The following PIKFYVE variants were observed in gnomAD, a reference collection of about 807,000 sequenced individuals.
The protein encoded by PIKFYVE is 1-phosphatidylinositol 3-phosphate 5-kinase.
A neutral mutation model predicts 257.9 loss-of-function variants in PIKFYVE; 122 were observed. That is an observed-to-expected ratio of 0.47 (90% CI 0.41 to 0.55). PIKFYVE has a LOEUF of 0.55. Among genes scored for constraint, PIKFYVE ranks in the 20% least tolerant of loss-of-function variants. The pLI is 0.00. For synonymous variants in PIKFYVE, 892 were observed against 868.9 expected (o/e 1.03, Z -0.47); for missense variants, 2,160 against 2,536.6 (o/e 0.85, Z 3.19).
Position 208,333,421 on chromosome 2 carries a change from A to T in PIKFYVE, c.4070A>T (p.Glu1357Val). ...CAGTATACTCGCAGAGCCAACGCTG[A>T]GCCCTGTGGTCACTCCATCCATCAT... Reference protein sequence around the residue: ...GHQYTRRANAEPCGHSIHHDY... With the variant: ...GHQYTRRANAVPCGHSIHHDY... Residue 1357 changes from glutamate to valine, a missense_variant, in exon 24 of 42, where the codon GAG (glutamate) becomes GTG (valine). By Grantham distance (121) the Glu-to-Val change is moderately radical. Transcript: ENST00000264380. 1.9e-6 allele frequency: 3 copies of T among 1,614,118 alleles called. No individual in the cohort carries two copies. The highest frequency in any genetic ancestry group is 2.5e-6 in the Non-Finnish European group (3 of 1,180,010).
intron 2 of PIKFYVE, among the ~76,000 whole-genome samples, chr2:208,271,960 C>T (rs1282860112): frequency 2.0e-5 from 3 of 152,154 alleles, no homozygotes; most frequent in African/African-American, 4.8e-5. Flanking sequence ...TTAGGCCAGG[C>T]GTGATGCCTC....
chr2:208,285,587 T>C (rs1294316686), intron 5 of PIKFYVE, 139 bp from the exon 6 acceptor site: 1 of 708,968 alleles, frequency 1.4e-6, no homozygotes, highest in Non-Finnish European at 2.4e-6. Flanking sequence ...ATGTCTTTTT[T>C]TGAGAGTCTG....
chr2:208,355,454 G>A lies in PIKFYVE; in HGVS notation c.*149G>A. On this transcript the variant is annotated 3_prime_UTR_variant, in exon 42 of 42. Transcript: ENST00000264380. Reference sequence around the variant, plus strand: ...TGTGGCTGTTTAGACTGTCCGTAATGGAATGGTAAAACTCCATGAATTTGC... The same window carrying A: ...TGTGGCTGTTTAGACTGTCCGTAATAGAATGGTAAAACTCCATGAATTTGC... The A allele has an allele frequency of 1.5e-6, 1 of 647,812 alleles. No individual in the cohort carries two copies. The highest frequency in any genetic ancestry group is 2.8e-5 in the Admixed American group (1 of 36,238). The allele number at this position is 647,812 out of a possible 1,614,324, so 40.1% of individuals were successfully genotyped here.
chr2:208,268,401 A>G (rs1688948651), intron 1 of PIKFYVE, among the ~76,000 whole-genome samples: 1 of 145,560 alleles, frequency 6.9e-6, no homozygotes, highest in Non-Finnish European at 1.5e-5. Flanking sequence ...CGGCCATCAC[A>G]TTATCGTTTC....
chr2:208,315,178 A>T lies in PIKFYVE; in HGVS notation c.1827-15A>T, dbSNP rs751385555. The stretch of plus-strand genomic sequence containing the variant: ...TATTAACTATGCAAACTTCTTTCTT[A>T]TAATATTTTTGTAGTTCAGCTAATC... On this transcript the variant is annotated splice_polypyrimidine_tract_variant and intron_variant, in intron 14 of 41. Transcript: ENST00000264380. 4 of 1,607,410 alleles carry T rather than the reference A, an allele frequency of 2.5e-6. No individual in the cohort carries two copies. The Admixed American group carries it at 5.0e-5, about 20-fold the overall frequency.
chr2:208,343,797 A>G (rs965249987), intron 32 of PIKFYVE, among the ~76,000 whole-genome samples: 1 of 151,790 alleles, frequency 6.6e-6, no homozygotes, highest in Non-Finnish European at 1.5e-5. Flanking sequence ...CCACTGTAAA[A>G]ATATATAGTA....
chr2:208,352,047 A>G (rs923638250), intron 38 of PIKFYVE, among the ~76,000 whole-genome samples: 1 of 152,118 alleles, frequency 6.6e-6, no homozygotes, highest in South Asian at 2.1e-4. Context: ...CTTAAACTAT[A>G]TATTTCCTGC....
intron 25 of PIKFYVE, 65 bp from the exon 26 acceptor site, chr2:208,335,728 A>AT: frequency 8.0e-7 from 1 of 1,245,014 alleles, no homozygotes; most frequent in Non-Finnish European, 1.2e-6. Flanking sequence ...TTTTTTTTCT[A>AT]TTTATGTGAG....
chr2:208,267,652 G>A (rs75791925), intron 1 of PIKFYVE, among the ~76,000 whole-genome samples: 4 of 151,886 alleles, frequency 2.6e-5, no homozygotes, highest in Non-Finnish European at 4.4e-5. Flanking sequence ...GATTGCAGGC[G>A]CGCGACACCA....
chr2:208,304,073 T>C (rs1694042962), intron 10 of PIKFYVE, 98 bp from the exon 11 acceptor site: 1 of 1,390,064 alleles, frequency 7.2e-7, no homozygotes, highest in East Asian at 2.3e-5. Context: ...ATTGTTAGGT[T>C]CATAGAAATA....
chr2:208,277,005 T>A (rs958609197), intron 4 of PIKFYVE, among the ~76,000 whole-genome samples, 175 bp downstream of exon 4: 1 of 152,200 alleles, frequency 6.6e-6, no homozygotes, highest in Non-Finnish European at 1.5e-5. Context: ...ATTTATCAGT[T>A]TTTTTCCCGT....
At chr2:208,284,972 G>A (rs922565523) in intron 5 of PIKFYVE, among the ~76,000 whole-genome samples, 34 of 152,152 alleles carry the variant, frequency 2.2e-4, no homozygotes, top group African/African-American at 6.3e-4. Flanking sequence ...ACAGGTGTGA[G>A]CCAGTGTGCC....
chr2:208,268,601 AAC>A (rs1688996048), intron 1 of PIKFYVE, among the ~76,000 whole-genome samples: 1 of 151,614 alleles, frequency 6.6e-6, no homozygotes, highest in Non-Finnish European at 1.5e-5. Flanking sequence ...ATATAAAAAA[AAC>A]ACAAACTTTT....
At position 208,285,816 on chromosome 2, in the gene PIKFYVE, C is replaced by T. The variant is rs1274325003; in HGVS notation, c.704C>T (p.Ala235Val). 1 of 1,613,976 alleles carries T rather than the reference C, an allele frequency of 6.2e-7. No individual in the cohort carries two copies. The highest frequency in any genetic ancestry group is 8.5e-7 in the Non-Finnish European group (1 of 1,179,870). The change falls in exon 6 of 42, where the codon GCT becomes GTT. Residue 235 changes from alanine to valine, a missense_variant. Around this residue, in one of 12 missense-constraint regions of PIKFYVE, gnomAD observed 187 missense variants for 185.6 expected, o/e 1.01. Coordinates refer to ENST00000264380, the MANE Select transcript of PIKFYVE (RefSeq NM_015040.4). The part of the protein sequence containing the change: ...DSNSIGEDLN[A>V]LSDSACSVSV... The stretch of plus-strand genomic sequence containing the variant: ...AATTCTATTGGGGAAGACTTGAATG[C>T]TCTTTCAGATTCTGCTTGCTCTGTG...
chr2:208,339,438 T>G lies in PIKFYVE; in HGVS notation c.4693T>G (p.Leu1565Val), dbSNP rs1320959283. 1 of 1,614,034 alleles carries G rather than the reference T, an allele frequency of 6.2e-7. No homozygotes were observed. The highest frequency in any genetic ancestry group is 2.2e-5 in the East Asian group (1 of 44,888). Residue 1565 changes from leucine to valine, a missense_variant, in exon 30 of 42, where the codon TTG (leucine) becomes GTG (valine). Around this residue, in one of 12 missense-constraint regions of PIKFYVE, gnomAD observed 699 missense variants for 855.8 expected, o/e 0.82. Coordinates refer to ENST00000264380, the MANE Select transcript of PIKFYVE (RefSeq NM_015040.4). ...GEKEDRFLTTLSSQSSTSSTH... is the reference protein window; with the variant it reads ...GEKEDRFLTTVSSQSSTSSTH... Reference sequence around the variant, plus strand: ...TTTAGAGGATCGCTTCTTAACAACTTTGTCCAGCCAGAGCTCCACCAGTTC... The same window carrying G: ...TTTAGAGGATCGCTTCTTAACAACTGTGTCCAGCCAGAGCTCCACCAGTTC...
At chr2:208,336,757 T>C in intron 27 of PIKFYVE, 81 bp from the exon 28 acceptor site, 6 of 891,366 alleles carry the variant, frequency 6.7e-6, no homozygotes, top group Non-Finnish European at 1.1e-5. Context: ...ATTTCAAAGT[T>C]GTAAAGAGAA....
chr2:208,345,569 C>T (rs1699152427), intron 33 of PIKFYVE, among the ~76,000 whole-genome samples: 1 of 152,102 alleles, frequency 6.6e-6, no homozygotes, highest in South Asian at 2.1e-4. Context: ...GGTCCTAATA[C>T]TTCAAAAACC....
intron 30 of PIKFYVE, 79 bp from the exon 31 acceptor site, chr2:208,339,932 G>T (rs1698542064): frequency 6.6e-7 from 1 of 1,515,846 alleles, no homozygotes; most frequent in East Asian, 2.4e-5. Flanking sequence ...ATTCCGAAAG[G>T]AAAAGAACCA....
intron 16 of PIKFYVE, among the ~76,000 whole-genome samples, chr2:208,319,941 G>A (rs950962790): frequency 6.6e-6 from 1 of 151,444 alleles, no homozygotes; most frequent in African/African-American, 2.4e-5. Flanking sequence ...TGCTCCCTCC[G>A]TGCACACTCA....
Sources: gnomAD v4.1 joint callset for allele counts (sites outside exome capture counted in the v4.1 genomes callset) on GRCh38, gnomAD v4.1.1 for gene constraint, gnomAD v4.1.1 regional missense constraint, MANE v1.5 for transcripts, NCBI Gene and HGNC (gene_info 2026-07-23, HGNC 2026-07-21) for gene names.